CAMKK2: variants seen among roughly 807,000 people sequenced by gnomAD.
CAMKK2 encodes calcium/calmodulin dependent protein kinase kinase 2, also known as calcium/calmodulin-dependent protein kinase kinase 2.
A neutral mutation model predicts 67.2 loss-of-function variants in CAMKK2; 30 were observed. The ratio of observed to expected loss-of-function variants is 0.45; its 90% CI spans 0.33 to 0.61. The LOEUF (loss-of-function observed/expected upper bound fraction) is 0.61, where lower values mean the gene tolerates loss of function less well. Ranked by LOEUF, CAMKK2 falls within the 20% of genes least tolerant of loss-of-function variation. The pLI is 0.02. For synonymous variants in CAMKK2, 322 were observed against 326.2 expected (o/e 0.99, Z 0.14); for missense variants, 643 against 802.0 (o/e 0.80, Z 2.39).
At chr12:121,291,271 A>C (rs1437105367) in intron 1 of CAMKK2, among the ~76,000 whole-genome samples, 1 of 152,198 alleles carries the variant, frequency 6.6e-6, no homozygotes, top group Non-Finnish European at 1.5e-5. Context: ...ACAGAGTGAC[A>C]AAAAAATGTC....
chr12:121,245,095 C>T lies in CAMKK2; in HGVS notation c.1553+45G>A. The T allele has an allele frequency of 7.3e-7, 1 of 1,370,898 alleles. No individual in the cohort carries two copies. Among genetic ancestry groups the T allele is most frequent in the Non-Finnish European group, 1.0e-6 (1 of 980,030 alleles). 84.9% of individuals were successfully genotyped at this position (1,370,898 alleles called of 1,614,324 possible). On this transcript the variant is annotated intron_variant, in intron 15 of 16. Coordinates refer to ENST00000404169, the MANE Select transcript of CAMKK2 (RefSeq NM_001270485.2). This position sits in a 1 kb window ranked among gnomAD's most constrained non-coding sequence, Gnocchi z 5.8. ...TGGGCAGGGCTGCCCCAAGCCTAGC[C>T]TCCAGCCACCACTCCCCCACCCAAG...
At chr12:121,260,068 G>A (rs1037605549) in intron 7 of CAMKK2, among the ~76,000 whole-genome samples, 1 of 152,198 alleles carries the variant, frequency 6.6e-6, no homozygotes, top group African/African-American at 2.4e-5. Flanking sequence ...GGGCAACGGA[G>A]CAAGACCCTG....
At chr12:121,289,004 G>T (rs529733643) in intron 1 of CAMKK2, among the ~76,000 whole-genome samples, 2 of 152,078 alleles carry the variant, frequency 1.3e-5, no homozygotes, top group African/African-American at 4.8e-5. Context: ...ACTCACCTGG[G>T]ACAGGAACCA....
chr12:121,297,366 G>T (rs922520280), upstream of CAMKK2: 23 of 320,060 alleles, frequency 7.2e-5, 1 homozygote, highest in South Asian at 5.7e-4. Flanking sequence ...GCTGCCTGCC[G>T]ACTGACCACT....
intron 7 of CAMKK2, among the ~76,000 whole-genome samples, chr12:121,258,029 T>C (rs1174250574): frequency 2.0e-5 from 3 of 150,456 alleles, no homozygotes; most frequent in Non-Finnish European, 4.4e-5. Context: ...CTACTTTTTT[T>C]TTTTTTTTTT....
At chr12:121,279,867 G>A (rs1002952747) in intron 1 of CAMKK2, among the ~76,000 whole-genome samples, 5 of 152,216 alleles carry the variant, frequency 3.3e-5, no homozygotes, top group Admixed American at 6.5e-5. Flanking sequence ...GCTGAGTGGC[G>A]CAGGCCTCCA....
At chr12:121,246,201 G>C (rs1474414475) in intron 14 of CAMKK2, among the ~76,000 whole-genome samples, 1 of 131,318 alleles carries the variant, frequency 7.6e-6, no homozygotes, top group African/African-American at 2.9e-5. Flanking sequence ...TCACTGAATT[G>C]TTCACTTTAA....
chr12:121,247,575 T>C (rs952902213), intron 14 of CAMKK2, among the ~76,000 whole-genome samples: 7 of 151,898 alleles, frequency 4.6e-5, no homozygotes, highest in Non-Finnish European at 1.0e-4. Context: ...CAAGGGGTGG[T>C]TGAGGAAGGG....
At chr12:121,244,440 C>T (rs1252285270) in intron 16 of CAMKK2, 133 bp downstream of exon 16, 4 of 851,732 alleles carry the variant, frequency 4.7e-6, no homozygotes, top group African/African-American at 1.7e-5. Context: ...TGGAGGCCCG[C>T]GGTGAGCCGG....
chr12:121,292,542 C>T (rs1458174366), intron 1 of CAMKK2, among the ~76,000 whole-genome samples: 1 of 152,192 alleles, frequency 6.6e-6, no homozygotes, highest in Non-Finnish European at 1.5e-5. Context: ...ATTTCCTCAA[C>T]TGTTAGGAAA....
chr12:121,244,097 G>T (rs1888924592), intron 16 of CAMKK2: 1 of 1,611,572 alleles, frequency 6.2e-7, no homozygotes, highest in Non-Finnish European at 8.5e-7. Flanking sequence ...ACGTTACTTT[G>T]CAACAGGCAG....
At chr12:121,243,054 A>C (rs1888688289) in intron 16 of CAMKK2, among the ~76,000 whole-genome samples, 1 of 128,968 alleles carries the variant, frequency 7.8e-6, no homozygotes, top group Non-Finnish European at 1.6e-5. Flanking sequence ...TTTTTTTGAG[A>C]CAGATTTTTG....
intron 6 of CAMKK2, among the ~76,000 whole-genome samples, chr12:121,261,285 G>A (rs1004300975): frequency 1.3e-5 from 2 of 152,146 alleles, no homozygotes; most frequent in African/African-American, 4.8e-5. Flanking sequence ...ATAGGGCAGC[G>A]GAGAGAAAAG....
rs147010293 is a variant in CAMKK2, at chr12:121,263,790, G to A, written c.759+16C>T. 9.4e-4 allele frequency: 1,488 copies of A among 1,589,746 alleles called. 11 individuals are homozygous for A. The African/African-American group carries it at 0.017, about 18-fold the overall frequency. On this transcript the variant is annotated intron_variant, in intron 6 of 16. Coordinates refer to ENST00000404169, the MANE Select transcript of CAMKK2 (RefSeq NM_001270485.2). ...GCCAGGGCCTCCCTCCCTCCTGGGC[G>A]CCTCCACCCTTTTACCTCCACCAGC...
chr12:121,289,675 C>T (rs932377478), intron 1 of CAMKK2, among the ~76,000 whole-genome samples: 2 of 152,018 alleles, frequency 1.3e-5, no homozygotes, highest in African/African-American at 4.8e-5. Flanking sequence ...GGCGGATCAC[C>T]TGAGGTCAGG....
At chr12:121,255,264 T>TATATATATAATTATATATATTTA (rs1891769564) in intron 9 of CAMKK2, among the ~76,000 whole-genome samples, 1 of 8,308 alleles carries the variant, frequency 1.2e-4, no homozygotes, top group African/African-American at 2.9e-4. Flanking sequence ...ATATATAATT[T>TATATATATAATTATATATATTTA]TATATATATA....
chr12:121,297,787 C>T (rs1386430770), upstream of CAMKK2: 1 of 472,250 alleles, frequency 2.1e-6, no homozygotes, highest in South Asian at 1.5e-5. Flanking sequence ...TTCCGATGTG[C>T]TTCTCTTGTA....
rs1344729913 is a variant in CAMKK2, at chr12:121,240,365, A to G, written c.*334T>C. 2 of 1,344,882 alleles carry G rather than the reference A, an allele frequency of 1.5e-6. No homozygotes were observed. The highest frequency in any genetic ancestry group is 2.0e-6 in the Non-Finnish European group (2 of 988,326). The allele number at this position is 1,344,882 out of a possible 1,614,324, so 83.3% of individuals were successfully genotyped here. A position where few individuals can be genotyped will look rare whatever the true frequency, so the allele number is the denominator to read the frequency against. Reference sequence around the variant, plus strand: ...CAAACCCCACACACAGTCACTTGGTATATCTGACGTGGTTCTGAAAATCAC... The same window carrying G: ...CAAACCCCACACACAGTCACTTGGTGTATCTGACGTGGTTCTGAAAATCAC... On this transcript the variant is annotated 3_prime_UTR_variant, in exon 17 of 17. Transcript: ENST00000404169. This position sits in a 1 kb window ranked among gnomAD's most constrained non-coding sequence, Gnocchi z 4.4.
Position 121,274,460 on chromosome 12 carries a change from T to TGCCCCC in CAMKK2, c.61_66dup (p.Gly21_Gly22dup), listed in dbSNP as rs1896428852. 6.2e-7 allele frequency: 1 copy of TGCCCCC among 1,612,902 alleles called. No individual in the cohort carries two copies. Among genetic ancestry groups the TGCCCCC allele is most frequent in the Non-Finnish European group, 8.5e-7 (1 of 1,179,888 alleles). On this transcript the variant is annotated inframe_insertion, in exon 2 of 17. Coordinates refer to ENST00000404169, the MANE Select transcript of CAMKK2 (RefSeq NM_001270485.2). ...TGGCTTTCGCTGCTGCTGCTGCCCC[T>TGCCCCC]GCCCCCCAGCTCATCCTGGGGGGCG... is the stretch of plus-strand genomic sequence containing the variant.
Sources: gnomAD v4.1 joint callset for allele counts (sites outside exome capture counted in the v4.1 genomes callset) on GRCh38, gnomAD v4.1.1 for gene constraint, Gnocchi (gnomAD v3.1) non-coding constraint, MANE v1.5 for transcripts, NCBI Gene and HGNC (gene_info 2026-07-23, HGNC 2026-07-21) for gene names.